The following LRCH3 variants were observed in gnomAD, a reference collection of about 807,000 sequenced individuals.
LRCH3 encodes the protein leucine rich repeats and calponin homology domain containing 3.
In LRCH3, 68 loss-of-function variants were observed where a neutral mutation model predicts 104.5. That is an observed-to-expected ratio of 0.65 (90% CI 0.54 to 0.80). The LOEUF is 0.80. LRCH3 is among the 30% of genes least tolerant of loss of function. LRCH3 has a pLI of 0.00. For missense variants in LRCH3, 951 were observed against 953.9 expected (o/e 1.00, Z 0.04); for synonymous variants, 344 against 361.3 (o/e 0.95, Z 0.54).
chr3:197,881,543 C>A (rs1713773706), intron 20 of LRCH3: 1 of 984,722 alleles, frequency 1.0e-6, no homozygotes, highest in Non-Finnish European at 1.2e-6. Flanking sequence ...CATATTCAAA[C>A]CTTCTTAATA....
Position 197,848,896 on chromosome 3 carries a change from G to A in LRCH3, c.1530+875G>A, listed in dbSNP as rs537996659. ...CTGAATGTACCAGACCCTTGGCAAT[G>A]ACGTTTAACTCTCTTTCTCACCTGA... On this transcript the variant is annotated intron_variant, in intron 12 of 20. Transcript: ENST00000425562. 6.6e-5 allele frequency among the ~76,000 whole-genome samples: 10 copies of A among 152,300 alleles called. No individual in the cohort carries two copies. The East Asian group carries it at 1.9e-3, about 29-fold the overall frequency.
At chr3:197,814,756 CT>C (rs1733613047) in intron 1 of LRCH3, 151 bp from the exon 2 acceptor site, 4 of 559,750 alleles carry the variant, frequency 7.1e-6, no homozygotes, top group Non-Finnish European at 1.2e-5. Context: ...TTGATACGAT[CT>C]TTGATATAAT....
intron 9 of LRCH3, among the ~76,000 whole-genome samples, chr3:197,837,416 T>C (rs1736980068): frequency 6.6e-6 from 1 of 152,198 alleles, no homozygotes; most frequent in African/African-American, 2.4e-5. Context: ...CTGTTACGTA[T>C]GGTAGTCTTT....
chr3:197,844,794 T>C (rs1738376430), intron 10 of LRCH3, among the ~76,000 whole-genome samples: 2 of 150,508 alleles, frequency 1.3e-5, no homozygotes, highest in Admixed American at 6.6e-5. Context: ...GTTTTTCGTA[T>C]TTTTTTAGTA....
intron 3 of LRCH3, among the ~76,000 whole-genome samples, chr3:197,818,760 G>A (rs1159288277): frequency 6.6e-6 from 1 of 152,162 alleles, no homozygotes; most frequent in African/African-American, 2.4e-5. Context: ...TGTTATAGAA[G>A]CTGCTTTTTG....
rs367782751 is a variant in LRCH3 at position 197,826,998 on chromosome 3, A to G, written c.761A>G (p.Gln254Arg). 49 of 1,613,720 alleles carry G rather than the reference A, an allele frequency of 3.0e-5. No individual in the cohort carries two copies. Among genetic ancestry groups the G allele is most frequent in the Middle Eastern group, 1.6e-4 (1 of 6,084 alleles). ...QTITLDNNPL[Q>R]SPPAQICIKG... ...ATCACCCTAGATAACAATCCACTAC[A>G]ATCACCTCCTGCACAGGTAAACCAT... Residue 254 changes from glutamine (Q) to arginine (R), a missense_variant, in exon 5 of 21, where the codon CAA becomes CGA. Physicochemically the swap from Gln to Arg is conservative, Grantham distance 43. Coordinates refer to ENST00000425562, the MANE Select transcript of LRCH3 (RefSeq NM_001365715.1).
Position 197,852,449 on chromosome 3 carries a change from C to T in LRCH3, c.1531-112C>T, listed in dbSNP as rs1425156223. 6 of 1,019,118 alleles carry T rather than the reference C, an allele frequency of 5.9e-6. No individual in the cohort carries two copies. In the East Asian group the frequency reaches 1.4e-4, roughly 25 times the overall value. 63.1% of individuals were successfully genotyped at this position (1,019,118 alleles called of 1,614,324 possible). A position where few individuals can be genotyped will look rare whatever the true frequency, so the allele number is the denominator to read the frequency against. On this transcript the variant is annotated intron_variant, in intron 12 of 20. Coordinates refer to ENST00000425562, the MANE Select transcript of LRCH3 (RefSeq NM_001365715.1). ...AGTAAATCTAGAAAAATGCTATAAA[C>T]AAGAGGTAAAAAAATTAATTTGAGT...
At chr3:197,851,899 C>T (rs1739653988) in intron 12 of LRCH3, among the ~76,000 whole-genome samples, 1 of 152,206 alleles carries the variant, frequency 6.6e-6, no homozygotes, top group Admixed American at 6.5e-5. Context: ...AGAACACAGG[C>T]TTTGCAGTCG....
At chr3:197,870,485 C>A (rs1201468032) in intron 18 of LRCH3, among the ~76,000 whole-genome samples, 1 of 152,152 alleles carries the variant, frequency 6.6e-6, no homozygotes, top group Non-Finnish European at 1.5e-5. Context: ...TCTGCCTCAG[C>A]CTCCTGAGTC....
intron 1 of LRCH3, among the ~76,000 whole-genome samples, chr3:197,799,617 A>C (rs1731643198): frequency 6.6e-6 from 1 of 152,180 alleles, no homozygotes; most frequent in African/African-American, 2.4e-5. Flanking sequence ...CTGTAATCCC[A>C]GCACTTTGTG....
chr3:197,800,909 C>A (rs1448397167), intron 1 of LRCH3, among the ~76,000 whole-genome samples: 1 of 152,048 alleles, frequency 6.6e-6, no homozygotes, highest in Non-Finnish European at 1.5e-5. Flanking sequence ...GCCTGACCAA[C>A]ATGGTGAAAC....
At chr3:197,802,014 C>T (rs916233852) in intron 1 of LRCH3, among the ~76,000 whole-genome samples, 2 of 152,180 alleles carry the variant, frequency 1.3e-5, no homozygotes, top group Admixed American at 6.5e-5. Flanking sequence ...TGTATTCTTA[C>T]AACATGGCCC....
At chr3:197,876,758 C>T (rs1462511694) in intron 20 of LRCH3, among the ~76,000 whole-genome samples, 24 of 152,166 alleles carry the variant, frequency 1.6e-4, no homozygotes, top group Admixed American at 1.5e-3. Context: ...TCATCAACAG[C>T]TCCACCATTG....
chr3:197,836,341 T>C (rs1736789379), intron 9 of LRCH3, among the ~76,000 whole-genome samples: 1 of 152,246 alleles, frequency 6.6e-6, no homozygotes, highest in Admixed American at 6.5e-5. Flanking sequence ...GGGTATCTCT[T>C]AAGTGGAGCA....
At chr3:197,815,080 T>C (rs1427465743) in intron 2 of LRCH3, 28 bp downstream of exon 2, 2 of 1,372,030 alleles carry the variant, frequency 1.5e-6, no homozygotes, top group Non-Finnish European at 2.0e-6. Context: ...TTATTTTAAA[T>C]TTTTGGTTTT....
rs1444794605 is a variant in LRCH3 at position 197,810,118 on chromosome 3, T to G, written c.263-4790T>G. 6.6e-6 allele frequency among the ~76,000 whole-genome samples: 1 copy of G among 152,038 alleles called. No individual in the cohort carries two copies. ...AATAGAGCAGTTATTATCTAAAAGT[T>G]TTCTGTCTTGCTAAGCTACCCTTTC... On this transcript the variant is annotated intron_variant, in intron 1 of 20. Coordinates refer to ENST00000425562, the MANE Select transcript of LRCH3 (RefSeq NM_001365715.1). The surrounding 1 kb of genome is among the most constrained non-coding windows in gnomAD (Gnocchi z 4.0).
At chr3:197,817,104 G>T in intron 2 of LRCH3, 72 bp from the exon 3 acceptor site, 1 of 1,375,318 alleles carries the variant, frequency 7.3e-7, no homozygotes, top group Non-Finnish European at 9.9e-7. Context: ...ACTGAGTATA[G>T]CGTGAGAAAG....
At chr3:197,831,794 A>AT (rs898294257) in intron 7 of LRCH3, among the ~76,000 whole-genome samples, 2 of 151,198 alleles carry the variant, frequency 1.3e-5, no homozygotes, top group Non-Finnish European at 3.0e-5. Flanking sequence ...ATTAAAAAAA[A>AT]TTTTTTTTTA....
At chr3:197,861,413 G>A (rs533918243) in intron 15 of LRCH3, among the ~76,000 whole-genome samples, 3 of 152,000 alleles carry the variant, frequency 2.0e-5, no homozygotes, top group African/African-American at 4.8e-5. Context: ...GAACACCTTC[G>A]GGCATTGTGG....
Sources: gnomAD v4.1 joint callset for allele counts (sites outside exome capture counted in the v4.1 genomes callset) on GRCh38, gnomAD v4.1.1 for gene constraint, Gnocchi (gnomAD v3.1) non-coding constraint, MANE v1.5 for transcripts, NCBI Gene and HGNC (gene_info 2026-07-23, HGNC 2026-07-21) for gene names.